Variants in ULK4 observed in about 807,000 individuals in gnomAD.
The protein encoded by ULK4 is inactive serine/threonine-protein kinase ULK4.
In ULK4, 133 loss-of-function variants were observed where a neutral mutation model predicts 160.6. The ratio of observed to expected loss-of-function variants is 0.83; its 90% CI spans 0.72 to 0.96. ULK4 has a LOEUF of 0.96. Ranked by LOEUF, ULK4 falls within the 40% of genes least tolerant of loss-of-function variation. ULK4 has a pLI of 0.00. For synonymous variants in ULK4, 534 were observed against 539.8 expected (o/e 0.99, Z 0.15); for missense variants, 1,580 against 1,499.5 (o/e 1.05, Z -0.89).
At position 41,344,158 on chromosome 3, in the gene ULK4, C is replaced by G. The variant is rs1328634106; in HGVS notation, c.3678+53921G>C. 2.6e-5 allele frequency among the ~76,000 whole-genome samples: 4 copies of G among 152,256 alleles called. No individual in the cohort carries two copies. The South Asian group carries it at 8.3e-4, about 32-fold the overall frequency. The stretch of plus-strand genomic sequence containing the variant: ...AACCAATGGAACAGAATAGAGAACT[C>G]AAAAACAAGACCACACACCTACAAC... On this transcript the variant is annotated intron_variant, in intron 35 of 36. Transcript: ENST00000301831.
At chr3:41,511,469 A>C (rs1448348216) in intron 32 of ULK4, among the ~76,000 whole-genome samples, 1 of 152,172 alleles carries the variant, frequency 6.6e-6, no homozygotes, top group Non-Finnish European at 1.5e-5. Context: ...TACTACTGAT[A>C]CCACAGAAAC....
intron 36 of ULK4, among the ~76,000 whole-genome samples, chr3:41,247,306 G>A (rs1427134940): frequency 1.3e-5 from 2 of 152,220 alleles, no homozygotes; most frequent in African/African-American, 4.8e-5. Context: ...CAGTGGGCCT[G>A]CCTGGCTCCT....
At chr3:41,281,630 A>G (rs534294577) in intron 35 of ULK4, among the ~76,000 whole-genome samples, 1 of 152,290 alleles carries the variant, frequency 6.6e-6, no homozygotes, top group East Asian at 1.9e-4. Context: ...TCAATAAACT[A>G]GGTATTGATG....
At chr3:41,507,688 T>C (rs1032868010) in intron 32 of ULK4, among the ~76,000 whole-genome samples, 1 of 143,220 alleles carries the variant, frequency 7.0e-6, no homozygotes, top group Admixed American at 7.0e-5. Flanking sequence ...ATTTTAGAAA[T>C]ATTGCAGAAA....
At chr3:41,633,960 G>A (rs180701657) in intron 30 of ULK4, among the ~76,000 whole-genome samples, 225 of 152,302 alleles carry the variant, frequency 1.5e-3, no homozygotes, top group African/African-American at 5.2e-3. Context: ...TTGTGAGGTA[G>A]TAATCATTAA....
chr3:41,417,005 A>G (rs2082543069), intron 34 of ULK4, among the ~76,000 whole-genome samples: 1 of 152,204 alleles, frequency 6.6e-6, no homozygotes, highest in African/African-American at 2.4e-5. Flanking sequence ...ATGCCATGGT[A>G]CAGCCCTTGA....
At chr3:41,449,506 T>C (rs2083378376) in intron 34 of ULK4, among the ~76,000 whole-genome samples, 1 of 152,102 alleles carries the variant, frequency 6.6e-6, no homozygotes, top group African/African-American at 2.4e-5. Flanking sequence ...ATAGAACTAA[T>C]AAAATCCCCA....
At chr3:41,359,806 C>G (rs2125771050) in intron 35 of ULK4, among the ~76,000 whole-genome samples, 1 of 151,966 alleles carries the variant, frequency 6.6e-6, no homozygotes. Flanking sequence ...AATGTAAAAC[C>G]CAAAACTATA....
At chr3:41,790,214 A>C (rs1294061943) in intron 20 of ULK4, among the ~76,000 whole-genome samples, 3 of 152,250 alleles carry the variant, frequency 2.0e-5, no homozygotes, top group Admixed American at 6.5e-5. Flanking sequence ...TATCATTTAT[A>C]ATGTGAGAAA....
intron 13 of ULK4, among the ~76,000 whole-genome samples, chr3:41,899,755 C>A (rs1055353903): frequency 6.6e-6 from 1 of 152,126 alleles, no homozygotes; most frequent in Non-Finnish European, 1.5e-5. Flanking sequence ...AGAAAGCCCA[C>A]GTTGAAAATG....
At chr3:41,647,799 G>A (rs1409253173) in intron 30 of ULK4, among the ~76,000 whole-genome samples, 1 of 152,218 alleles carries the variant, frequency 6.6e-6, no homozygotes, top group Non-Finnish European at 1.5e-5. Flanking sequence ...GCCCCCAGGG[G>A]TGGAGCCTAC....
chr3:41,642,628 TG>T (rs1375470913), intron 30 of ULK4, among the ~76,000 whole-genome samples: 26 of 152,372 alleles, frequency 1.7e-4, no homozygotes, highest in African/African-American at 6.0e-4. Flanking sequence ...TTCGCTATTG[TG>T]AACAGTGCCG....
intron 13 of ULK4, among the ~76,000 whole-genome samples, chr3:41,900,133 TA>T (rs1175923260): frequency 6.6e-6 from 1 of 152,112 alleles, no homozygotes; most frequent in Non-Finnish European, 1.5e-5. Context: ...CCCCTAGCAA[TA>T]AAGTATTATA....
At chr3:41,824,559 C>T (rs972565697) in intron 18 of ULK4, among the ~76,000 whole-genome samples, 4 of 152,298 alleles carry the variant, frequency 2.6e-5, no homozygotes, top group South Asian at 2.1e-4. Context: ...CATGAAGCCT[C>T]GCTCATTGCT....
chr3:41,448,996 C>T (rs1007536421), intron 34 of ULK4, among the ~76,000 whole-genome samples: 20 of 152,158 alleles, frequency 1.3e-4, no homozygotes, highest in African/African-American at 4.6e-4. Context: ...CGGCTCACTG[C>T]AACCTCTGCC....
chr3:41,257,672 G>A (rs2078860336), intron 35 of ULK4, among the ~76,000 whole-genome samples: 1 of 151,494 alleles, frequency 6.6e-6, no homozygotes, highest in South Asian at 2.1e-4. Flanking sequence ...CTACCATATG[G>A]CCAAACAATT....
intron 20 of ULK4, among the ~76,000 whole-genome samples, chr3:41,794,660 C>CAAAAAAAAA (rs71075484): frequency 0.039 from 749 of 18,978 alleles, 131 homozygotes; most frequent in East Asian, 0.064. Context: ...GACTCTGTCT[C>CAAAAAAAAA]AAAAAAAAAA....
intron 35 of ULK4, among the ~76,000 whole-genome samples, chr3:41,307,636 G>A (rs2079973279): frequency 6.6e-6 from 1 of 152,084 alleles, no homozygotes; most frequent in African/African-American, 2.4e-5. Context: ...AGACCAGCAT[G>A]AGCAATACAG....
At chr3:41,411,354 G>A (rs891730005) in intron 34 of ULK4, among the ~76,000 whole-genome samples, 4 of 151,838 alleles carry the variant, frequency 2.6e-5, no homozygotes, top group South Asian at 4.2e-4. Flanking sequence ...CTGCTACTTA[G>A]AGGCTTTATC....
Sources: gnomAD v4.1 joint callset for allele counts (sites outside exome capture counted in the v4.1 genomes callset) on GRCh38, gnomAD v4.1.1 for gene constraint, MANE v1.5 for transcripts, NCBI Gene and HGNC (gene_info 2026-07-23, HGNC 2026-07-21) for gene names.